The following VPS13D variants were observed in gnomAD, a reference collection of about 807,000 sequenced individuals.
VPS13D encodes the protein vacuolar protein sorting 13 homolog D, also known as intermembrane lipid transfer protein VPS13D.
In VPS13D, 187 loss-of-function variants were observed where a neutral mutation model predicts 461.9. The ratio of observed to expected loss-of-function variants is 0.40; its 90% CI spans 0.36 to 0.46. VPS13D has a LOEUF of 0.46. VPS13D is among the 20% of genes least tolerant of loss of function. The pLI is 0.60. For missense variants in VPS13D, 4,711 were observed against 5,364.9 expected, an observed-to-expected ratio of 0.88 and a Z score of 3.81; for synonymous variants, 1,951 against 1,986.3, an observed-to-expected ratio of 0.98 and a Z score of 0.47.
chr1:12,403,720 T>C (rs771996603), intron 62 of VPS13D, 105 bp from the exon 63 acceptor site: 413 of 1,127,922 alleles, frequency 3.7e-4, no homozygotes, highest in Non-Finnish European at 4.7e-4. Context: ...TGATAGATGG[T>C]TTCCTTTTTT....
intron 6 of VPS13D, among the ~76,000 whole-genome samples, chr1:12,252,040 C>T (rs930481400): frequency 5.3e-5 from 8 of 152,160 alleles, no homozygotes; most frequent in African/African-American, 1.7e-4. Context: ...AGGTGCTTCA[C>T]GCAGCCTCTG....
At chr1:12,350,929 A>C (rs888853383) in intron 46 of VPS13D, among the ~76,000 whole-genome samples, 5 of 152,242 alleles carry the variant, frequency 3.3e-5, no homozygotes, top group Admixed American at 2.0e-4. Flanking sequence ...ATGCCAGTAC[A>C]TTCCAGATGT....
chr1:12,435,018 T>C (rs777012419), intron 65 of VPS13D, among the ~76,000 whole-genome samples: 9 of 152,244 alleles, frequency 5.9e-5, no homozygotes, highest in Non-Finnish European at 1.0e-4. Context: ...ATAGTTACAA[T>C]GGAGTAGTTA....
intron 38 of VPS13D, among the ~76,000 whole-genome samples, chr1:12,334,946 A>G (rs1643413961): frequency 6.6e-6 from 1 of 152,272 alleles, no homozygotes; most frequent in South Asian, 2.1e-4. Flanking sequence ...ATTGAAAACC[A>G]GAAACCAATA....
chr1:12,293,306 G>A (rs891551021), intron 23 of VPS13D, among the ~76,000 whole-genome samples: 8 of 152,200 alleles, frequency 5.3e-5, no homozygotes, highest in Admixed American at 2.0e-4. Flanking sequence ...TGCTAGAGCT[G>A]TCCACCTGTT....
chr1:12,400,099 G>A (rs758051461), intron 60 of VPS13D, 82 bp from the exon 61 acceptor site: 12 of 1,506,316 alleles, frequency 8.0e-6, no homozygotes, highest in African/African-American at 2.8e-5. Flanking sequence ...TGCGCATTAT[G>A]AGGCCCCACT....
In VPS13D at chr1:12,299,084, T is replaced by G. The variant is rs1466421557; in HGVS notation, c.6034-118T>G. The G allele has an allele frequency of 1.1e-6, 1 of 917,278 alleles. No individual in the cohort carries two copies. The highest frequency in any genetic ancestry group is 2.7e-5 in the East Asian group (1 of 37,228). The allele number at this position is 917,278 out of a possible 1,614,324, so 56.8% of individuals were successfully genotyped here. On this transcript the variant is annotated intron_variant, in intron 24 of 69. Coordinates refer to ENST00000620676, the MANE Select transcript of VPS13D (RefSeq NM_015378.4). This position sits in a 1 kb window ranked among gnomAD's most constrained non-coding sequence, Gnocchi z 4.2. ...TTAACTCCATGGTGGTCATAGAATATGCTCTGTATGATTTTAATTGTTTTA... is the reference window on the plus strand; with the variant it reads ...TTAACTCCATGGTGGTCATAGAATAGGCTCTGTATGATTTTAATTGTTTTA...
At chr1:12,436,796 G>A (rs1439191240) in intron 65 of VPS13D, among the ~76,000 whole-genome samples, 2 of 152,080 alleles carry the variant, frequency 1.3e-5, no homozygotes, top group African/African-American at 2.4e-5. Flanking sequence ...TGCCTCCCGA[G>A]TAGCTGGGAT....
At chr1:12,425,839 A>G (rs2100277260) in intron 65 of VPS13D, among the ~76,000 whole-genome samples, 1 of 152,324 alleles carries the variant, frequency 6.6e-6, no homozygotes, top group Middle Eastern at 3.4e-3. Context: ...TTCAAAAAAA[A>G]TTAATTTGGG....
chr1:12,396,025 A>ATATATATATATAT (rs1644493558), intron 60 of VPS13D, among the ~76,000 whole-genome samples: 1 of 127,214 alleles, frequency 7.9e-6, no homozygotes, highest in African/African-American at 3.2e-5. Context: ...ATATATATAT[A>ATATATATATATAT]TATAGTTCTT....
In VPS13D at chr1:12,316,573, T is replaced by C. The variant is rs183400940; in HGVS notation, c.7149-1499T>C. On this transcript the variant is annotated intron_variant, in intron 30 of 69. Transcript: ENST00000620676. ...ATTACACAAGAGTAGAGTGTTTCTG[T>C]GAAAAATGCTGTGTCTGTAAGAAGG... Among the ~76,000 whole-genome samples the C allele has an allele frequency of 4.6e-3, 693 of 152,264 alleles. 4 individuals carry two copies. The highest frequency in any genetic ancestry group is 0.016 in the African/African-American group (668 of 41,540).
chr1:12,280,231 AGGACG>A (rs1217737172), intron 20 of VPS13D, among the ~76,000 whole-genome samples: 2 of 152,176 alleles, frequency 1.3e-5, no homozygotes, highest in Non-Finnish European at 2.9e-5. Flanking sequence ...GCAGGCTCTT[AGGACG>A]GTCTGTGGTC....
rs747061480 is a variant in VPS13D at position 12,256,489 on chromosome 1, T to C, written c.826T>C (p.Leu276=). The C allele has an allele frequency of 6.2e-7, 1 of 1,614,076 alleles. No homozygotes were observed. Among genetic ancestry groups the C allele is most frequent in the East Asian group, 2.2e-5 (1 of 44,884 alleles). ...DCDIQLETIP[L]KLSQLQYRQI... The stretch of plus-strand genomic sequence containing the variant: ...TGATATTCAGCTGGAGACCATTCCC[T>C]TGAAACTCTCTCAGGTATGCCCTTT... Residue 276 remains leucine (L), a synonymous_variant, in exon 8 of 70, where the codon TTG becomes CTG. Transcript: ENST00000620676.
intron 25 of VPS13D, among the ~76,000 whole-genome samples, chr1:12,302,246 C>T (rs1377699565): frequency 6.6e-6 from 1 of 152,190 alleles, no homozygotes; most frequent in Admixed American, 6.5e-5. Flanking sequence ...CGGTGCACAA[C>T]TGTATTTATT....
At chr1:12,488,737 T>G (rs890593880) in intron 67 of VPS13D, among the ~76,000 whole-genome samples, 2 of 151,690 alleles carry the variant, frequency 1.3e-5, no homozygotes, top group African/African-American at 4.8e-5. Flanking sequence ...CTTGTTATTA[T>G]TAGCATGCGT....
intron 6 of VPS13D, 26 bp downstream of exon 6, chr1:12,249,365 C>A: frequency 6.3e-7 from 1 of 1,576,274 alleles, no homozygotes; most frequent in South Asian, 1.1e-5. Context: ...GATGACAAAG[C>A]AGGAAGAAAG....
intron 18 of VPS13D, among the ~76,000 whole-genome samples, 197 bp downstream of exon 18, chr1:12,273,332 A>C (rs1641509869): frequency 6.6e-6 from 1 of 152,246 alleles, no homozygotes; most frequent in East Asian, 1.9e-4. Flanking sequence ...GTCTATGATT[A>C]TCTAAGTAAA....
At chr1:12,280,310 T>C (rs1279162199) in intron 20 of VPS13D, among the ~76,000 whole-genome samples, 2 of 152,078 alleles carry the variant, frequency 1.3e-5, no homozygotes, top group Admixed American at 6.5e-5. Context: ...CCAGGAGTGC[T>C]GTTGATGGAG....
chr1:12,400,781 C>A (rs1644564437), intron 61 of VPS13D, among the ~76,000 whole-genome samples: 1 of 152,088 alleles, frequency 6.6e-6, no homozygotes, highest in South Asian at 2.1e-4. Context: ...GGTGAAACCT[C>A]ATTTCTATAA....
Sources: gnomAD v4.1 joint callset for allele counts (sites outside exome capture counted in the v4.1 genomes callset) on GRCh38, gnomAD v4.1.1 for gene constraint, Gnocchi (gnomAD v3.1) non-coding constraint, MANE v1.5 for transcripts, NCBI Gene and HGNC (gene_info 2026-07-23, HGNC 2026-07-21) for gene names.